FAM193A: variants seen among roughly 807,000 people sequenced by gnomAD.
FAM193A encodes family with sequence similarity 193 member A, also known as protein FAM193A.
In FAM193A, 22 loss-of-function variants were observed where a neutral mutation model predicts 126.5. That is an observed-to-expected ratio of 0.17 (90% confidence interval 0.12 to 0.25). FAM193A has a LOEUF of 0.25. Among genes scored for constraint, FAM193A ranks in the 10% least tolerant of loss-of-function variants. The pLI is 1.00. For synonymous variants in FAM193A, 761 were observed against 646.8 expected, an observed-to-expected ratio of 1.18 and a Z score of -2.68; for missense variants, 1,675 against 1,672.8, an observed-to-expected ratio of 1.00 and a Z score of -0.02.
At chr4:2,694,877 T>A in intron 16 of FAM193A, 69 bp from the exon 17 acceptor site, 1 of 1,353,706 alleles carries the variant, frequency 7.4e-7, no homozygotes, top group South Asian at 1.3e-5. Context: ...TGGGTGGTCA[T>A]GTGCAACAAT....
At chr4:2,599,214 CT>C (rs1381982328) in intron 2 of FAM193A, among the ~76,000 whole-genome samples, 3 of 150,686 alleles carry the variant, frequency 2.0e-5, no homozygotes, top group Non-Finnish European at 4.4e-5. Context: ...TAAAGTTAAA[CT>C]GTTTTTTTTT....
In FAM193A at chr4:2,615,098, A is replaced by G. The variant is rs374863417; in HGVS notation, c.502-10164A>G. On this transcript the variant is annotated intron_variant, in intron 2 of 20. Coordinates refer to ENST00000637812, the MANE Select transcript of FAM193A (RefSeq NM_001366318.2). ...TTCTCTTTATTAATTTCATTCCTCT[A>G]CTTATTTTGTATTTATTTATTTTTT... The G allele has an allele frequency of 7.3e-5, 11 of 151,512 alleles. No homozygotes were observed. The East Asian group carries it at 7.8e-4, about 11-fold the overall frequency. 9.4% of individuals were successfully genotyped at this position (151,512 alleles called of 1,614,324 possible).
chr4:2,648,466 T>G (rs773297614), intron 7 of FAM193A, among the ~76,000 whole-genome samples: 55 of 152,306 alleles, frequency 3.6e-4, no homozygotes, highest in Non-Finnish European at 7.1e-4. Flanking sequence ...AGTGGGTGTA[T>G]TCCTAATTCA....
intron 7 of FAM193A, among the ~76,000 whole-genome samples, chr4:2,648,119 T>TA (rs947088525): frequency 2.0e-5 from 3 of 152,214 alleles, no homozygotes; most frequent in Non-Finnish European, 4.4e-5. Context: ...GGTTTTCTCT[T>TA]ACTCCATTCT....
At chr4:2,605,451 CAT>C (rs1446890840) in intron 2 of FAM193A, among the ~76,000 whole-genome samples, 4 of 152,164 alleles carry the variant, frequency 2.6e-5, no homozygotes, top group Admixed American at 2.6e-4. Context: ...GTTTGAGAGT[CAT>C]AAATCTTGTT....
At chr4:2,647,859 C>T (rs569526889) in intron 7 of FAM193A, among the ~76,000 whole-genome samples, 1 of 152,340 alleles carries the variant, frequency 6.6e-6, no homozygotes, top group African/African-American at 2.4e-5. Flanking sequence ...GGGCTCTAGC[C>T]TAAGACATGT....
At chr4:2,590,507 A>AG in intron 1 of FAM193A, among the ~76,000 whole-genome samples, 1 of 57,880 alleles carries the variant, frequency 1.7e-5, no homozygotes, top group East Asian at 5.0e-4. Context: ...AAAAAAAAAC[A>AG]AAAAAAAAAC....
intron 1 of FAM193A, among the ~76,000 whole-genome samples, chr4:2,548,988 G>A (rs1737742515): frequency 6.6e-6 from 1 of 151,586 alleles, no homozygotes; most frequent in South Asian, 2.1e-4. Flanking sequence ...GCCCAGGCTG[G>A]AGTGTAGTGG....
intron 19 of FAM193A, among the ~76,000 whole-genome samples, chr4:2,705,653 G>C (rs1354115490): frequency 1.3e-5 from 2 of 151,756 alleles, no homozygotes; most frequent in Non-Finnish European, 2.9e-5. Context: ...GTGGTGGTGC[G>C]GTCATAGCTC....
chr4:2,704,590 A>G (rs966786123), intron 19 of FAM193A, among the ~76,000 whole-genome samples: 3 of 152,164 alleles, frequency 2.0e-5, no homozygotes, highest in Non-Finnish European at 4.4e-5. Flanking sequence ...AAAAATTTTT[A>G]AAAAGGTAAG....
At chr4:2,576,673 C>G (rs1357946877) in intron 1 of FAM193A, among the ~76,000 whole-genome samples, 3 of 152,124 alleles carry the variant, frequency 2.0e-5, no homozygotes, top group Non-Finnish European at 4.4e-5. Flanking sequence ...CTGGTGAGAC[C>G]TTATTTCTTA....
rs1446452028 is a variant in FAM193A, at chr4:2,723,191, G to A, written c.4454+7087G>A. Among the ~76,000 whole-genome samples the A allele has an allele frequency of 3.3e-5, 5 of 151,994 alleles. No individual in the cohort carries two copies. The East Asian group carries it at 5.8e-4, about 18-fold the overall frequency. On this transcript the variant is annotated intron_variant, in intron 20 of 20. Transcript: ENST00000637812. ...CAGGAGGCTGAGGCAGGAGAATGGC[G>A]TGAATCCAGGAGGCGGAAGTTGCAG...
intron 7 of FAM193A, among the ~76,000 whole-genome samples, chr4:2,649,149 G>A (rs1251734522): frequency 6.6e-6 from 1 of 152,182 alleles, no homozygotes; most frequent in Non-Finnish European, 1.5e-5. Flanking sequence ...TAAGGTGGGA[G>A]GATCACTTGA....
At chr4:2,563,186 G>A (rs959028907) in intron 1 of FAM193A, among the ~76,000 whole-genome samples, 3 of 151,522 alleles carry the variant, frequency 2.0e-5, no homozygotes, top group Admixed American at 6.6e-5. Context: ...CTCGTGATCC[G>A]CCTGCCTCTG....
intron 2 of FAM193A, among the ~76,000 whole-genome samples, chr4:2,603,050 G>C (rs996855744): frequency 1.5e-5 from 2 of 131,826 alleles, no homozygotes; most frequent in Admixed American, 1.7e-4. Flanking sequence ...CTCACTGCAG[G>C]CTCCGCCTTC....
At chr4:2,716,237 T>G (rs1719517426) in intron 20 of FAM193A, 133 bp downstream of exon 20, 2 of 680,314 alleles carry the variant, frequency 2.9e-6, no homozygotes, top group African/African-American at 3.6e-5. Context: ...ACATGGCTTC[T>G]GAAGAGCCTT....
chr4:2,547,980 C>A (rs1234046388), intron 1 of FAM193A, among the ~76,000 whole-genome samples: 1 of 151,858 alleles, frequency 6.6e-6, no homozygotes, highest in Admixed American at 6.6e-5. Context: ...ATTTGCATCT[C>A]CCTGGTGCCT....
At chr4:2,655,918 G>A (rs1711620762) in intron 7 of FAM193A, among the ~76,000 whole-genome samples, 1 of 152,180 alleles carries the variant, frequency 6.6e-6, no homozygotes, top group African/African-American at 2.4e-5. Context: ...GACAGAGCAA[G>A]AGACCTTGTC....
At chr4:2,649,808 G>A (rs1745491412) in intron 7 of FAM193A, among the ~76,000 whole-genome samples, 1 of 152,230 alleles carries the variant, frequency 6.6e-6, no homozygotes, top group African/African-American at 2.4e-5. Context: ...CTAGTCCATG[G>A]CCTGTTAGGA....
Sources: gnomAD v4.1 joint callset for allele counts (sites outside exome capture counted in the v4.1 genomes callset) on GRCh38, gnomAD v4.1.1 for gene constraint, MANE v1.5 for transcripts, NCBI Gene and HGNC (gene_info 2026-07-23, HGNC 2026-07-21) for gene names.